The following PCDHGA9 variants were observed in gnomAD, a reference collection of about 807,000 sequenced individuals.
PCDHGA9 encodes the protein protocadherin gamma subfamily A, 9.
A neutral mutation model predicts 62.5 loss-of-function variants in PCDHGA9; 37 were observed. The observed-to-expected ratio is 0.59, with a 90% CI of 0.46 to 0.78. The LOEUF is 0.78. Among genes scored for constraint, PCDHGA9 ranks in the 30% least tolerant of loss-of-function variants. The pLI is 0.00. For missense variants in PCDHGA9, 1,138 were observed against 1,166.2 expected (o/e 0.98, Z 0.35); for synonymous variants, 459 against 484.6 (o/e 0.95, Z 0.69).
intron 1 of PCDHGA9, among the ~76,000 whole-genome samples, chr5:141,492,337 C>T (rs559700346): frequency 1.0e-3 from 158 of 152,324 alleles, no homozygotes; most frequent in African/African-American, 3.7e-3. Flanking sequence ...TACGCGAATA[C>T]CAGCTTTCAC....
rs763433178 is a variant in PCDHGA9, at chr5:141,409,635, A to G, written c.2424+4259A>G. On this transcript the variant is annotated intron_variant, in intron 1 of 3. Transcript: ENST00000573521. ...TCCATTGCGCAAGTGAGCGCCTCTG[A>G]CCCGGATTTGGGGCTCAATGGCCAC... 3 of 1,613,784 alleles carry G rather than the reference A, an allele frequency of 1.9e-6. No individual in the cohort carries two copies. The South Asian group carries it at 3.3e-5, about 18-fold the overall frequency.
rs749347013 is a variant in PCDHGA9, at chr5:141,476,739, C to G, written c.2425-18068C>G. 6.2e-7 allele frequency: 1 copy of G among 1,614,068 alleles called. No individual in the cohort carries two copies. Among genetic ancestry groups the G allele is most frequent in the South Asian group, 1.1e-5 (1 of 91,088 alleles). On this transcript the variant is annotated intron_variant, in intron 1 of 3. Transcript: ENST00000573521. The surrounding 1 kb of genome is among the most constrained non-coding windows in gnomAD (Gnocchi z 7.6). Reference sequence around the variant, plus strand: ...CGCGCCCTGGACCGAGAACGGGAGCCTAGTCTCCAGTTAGTGCTGACGGCG... The same window carrying G: ...CGCGCCCTGGACCGAGAACGGGAGCGTAGTCTCCAGTTAGTGCTGACGGCG...
chr5:141,451,739 G>A (rs1343538104), intron 1 of PCDHGA9, among the ~76,000 whole-genome samples: 1 of 152,082 alleles, frequency 6.6e-6, no homozygotes, highest in East Asian at 1.9e-4. Flanking sequence ...AAAATTAGCT[G>A]GTCTGGTGGT....
chr5:141,487,477 C>A lies in PCDHGA9; in HGVS notation c.2425-7330C>A, dbSNP rs748435479. On this transcript the variant is annotated intron_variant, in intron 1 of 3. Transcript: ENST00000573521. The surrounding 1 kb of genome is among the most constrained non-coding windows in gnomAD (Gnocchi z 5.0). ...TCAAGTTTGTTGATGTGGGAGGCCA[C>A]TCTCATGGCTGTACACCCTTGGCTT... 1 of 1,614,200 alleles carries A rather than the reference C, an allele frequency of 6.2e-7. No individual in the cohort carries two copies. The highest frequency in any genetic ancestry group is 1.7e-5 in the Admixed American group (1 of 60,030).
rs2099391747 is a variant in PCDHGA9 at position 141,476,440 on chromosome 5, G to A, written c.2425-18367G>A. Reference sequence around the variant, plus strand: ...CACTGCCCTCTTGCACTGTAACTCTGGAGTTGGTAGTGGAGAACCCGCTGG... The same window carrying A: ...CACTGCCCTCTTGCACTGTAACTCTAGAGTTGGTAGTGGAGAACCCGCTGG... On this transcript the variant is annotated intron_variant, in intron 1 of 3. Transcript: ENST00000573521. The surrounding 1 kb of genome is among the most constrained non-coding windows in gnomAD (Gnocchi z 7.6). 1.2e-6 allele frequency: 2 copies of A among 1,613,998 alleles called. No individual in the cohort carries two copies. Among genetic ancestry groups the A allele is most frequent in the African/African-American group, 2.7e-5 (2 of 74,902 alleles).
Position 141,486,098 on chromosome 5 carries a change from G to A in PCDHGA9, c.2425-8709G>A, listed in dbSNP as rs1211678224. ...AAAGCTTACTCTTTTGGGGCCCCTA[G>A]ACTTTGAGAGTGAGAATTACTATGA... On this transcript the variant is annotated intron_variant, in intron 1 of 3. Transcript: ENST00000573521. This position sits in a 1 kb window ranked among gnomAD's most constrained non-coding sequence, Gnocchi z 5.0. 5.0e-6 allele frequency: 8 copies of A among 1,614,032 alleles called. No homozygotes were observed. Among genetic ancestry groups the A allele is most frequent in the Admixed American group, 3.3e-5 (2 of 59,994 alleles).
At chr5:141,407,898 A>G in intron 1 of PCDHGA9, 1 of 407,470 alleles carries the variant, frequency 2.5e-6, no homozygotes, top group Non-Finnish European at 4.3e-6. Context: ...CGAATTCAAA[A>G]TGAAAAACCG....
At chr5:141,423,758 G>GGGC (rs1554116874) in intron 1 of PCDHGA9, 82 of 366,752 alleles carry the variant, frequency 2.2e-4, no homozygotes, top group Middle Eastern at 4.2e-4. Context: ...TTTGGGGGGG[G>GGGC]GGTGGGGCGG....
chr5:141,408,488 T>C lies in PCDHGA9; in HGVS notation c.2424+3112T>C, dbSNP rs199936765. ...GAACCGAATAGACCGTGAGCAAATA[T>C]GCAAAGAGAGAAGAAGATGTGAGTT... On this transcript the variant is annotated intron_variant, in intron 1 of 3. Transcript: ENST00000573521. The C allele has an allele frequency of 8.1e-6, 13 of 1,613,894 alleles. No individual in the cohort carries two copies. The highest frequency in any genetic ancestry group is 4.0e-5 in the African/African-American group (3 of 74,922).
intron 1 of PCDHGA9, chr5:141,478,289 G>A (rs1210628852): frequency 1.2e-6 from 2 of 1,614,146 alleles, no homozygotes; most frequent in African/African-American, 2.7e-5. Context: ...GCAGTCTAGA[G>A]ACCTATACCG....
chr5:141,485,095 TC>T lies in PCDHGA9; in HGVS notation c.2425-9710del, dbSNP rs1040164730. ...GCGCGGGGAAAGGGAGATAGGTGTCTCCAGCTGCTGTGGCTGTTTGGGGCGG... is the reference window on the plus strand; with the variant it reads ...GCGCGGGGAAAGGGAGATAGGTGTCTCAGCTGCTGTGGCTGTTTGGGGCGG... On this transcript the variant is annotated intron_variant, in intron 1 of 3. Coordinates refer to ENST00000573521, the MANE Select transcript of PCDHGA9 (RefSeq NM_018921.3). This position sits in a 1 kb window ranked among gnomAD's most constrained non-coding sequence, Gnocchi z 5.7. 6.8e-5 allele frequency: 76 copies of T among 1,115,798 alleles called. No homozygotes were observed. Among genetic ancestry groups the T allele is most frequent in the South Asian group, 4.6e-4 (33 of 71,042 alleles). The allele number at this position is 1,115,798 out of a possible 1,614,324, so 69.1% of individuals were successfully genotyped here. A position where few individuals can be genotyped will look rare whatever the true frequency, so the allele number is the denominator to read the frequency against.
chr5:141,489,994 C>A lies in PCDHGA9; in HGVS notation c.2425-4813C>A, dbSNP rs1307285048. The A allele has an allele frequency of 1.2e-5, 19 of 1,614,192 alleles. No individual in the cohort carries two copies. The highest frequency in any genetic ancestry group is 1.6e-4 in the Middle Eastern group (1 of 6,062). On this transcript the variant is annotated intron_variant, in intron 1 of 3. Transcript: ENST00000573521. This position sits in a 1 kb window ranked among gnomAD's most constrained non-coding sequence, Gnocchi z 4.5. Reference sequence around the variant, plus strand: ...ATCCTCAGTTCTACGTGTGGGAATCCCAGAGAATGCACCCATTGGTACTCT... The same window carrying A: ...ATCCTCAGTTCTACGTGTGGGAATCACAGAGAATGCACCCATTGGTACTCT...
intron 1 of PCDHGA9, chr5:141,410,860 T>TTTTTTTTTTTTTTTTTTG: frequency 2.3e-6 from 1 of 442,030 alleles, no homozygotes; most frequent in Non-Finnish European, 3.7e-6. Flanking sequence ...TTTTTTTTTT[T>TTTTTTTTTTTTTTTTTTG]TTTTTTTTTT....
rs776677714 is a variant in PCDHGA9 at position 141,419,329 on chromosome 5, T to C, written c.2424+13953T>C. The C allele has an allele frequency of 7.4e-6, 12 of 1,613,842 alleles. 2 individuals carry two copies. The South Asian group carries it at 1.3e-4, about 18-fold the overall frequency. On this transcript the variant is annotated intron_variant, in intron 1 of 3. Coordinates refer to ENST00000573521, the MANE Select transcript of PCDHGA9 (RefSeq NM_018921.3). The stretch of plus-strand genomic sequence containing the variant: ...GGCTCAACGGCCGTGTCTCCTACTC[T>C]CTCATTGCCAGCGACCTGGAGTCAC...
chr5:141,421,077 A>G (rs975269359), intron 1 of PCDHGA9: 1 of 619,100 alleles, frequency 1.6e-6, no homozygotes, highest in Non-Finnish European at 2.7e-6. Context: ...TGAGATGGAT[A>G]CTCACAGATC....
At chr5:141,502,356 G>C (rs1443285213) in intron 2 of PCDHGA9, among the ~76,000 whole-genome samples, 4 of 151,838 alleles carry the variant, frequency 2.6e-5, no homozygotes. Flanking sequence ...TAATGACATG[G>C]ATATTTTTAA....
In PCDHGA9 at chr5:141,490,601, T is replaced by C. The variant is rs777393370; in HGVS notation, c.2425-4206T>C. 1 of 1,614,176 alleles carries C rather than the reference T, an allele frequency of 6.2e-7. No homozygotes were observed. The highest frequency in any genetic ancestry group is 8.5e-7 in the Non-Finnish European group (1 of 1,180,030). ...GATGTCAATGACAATGCACCCCGCTTCAACCAGCAGCTTTACACTGCTTAC... is the reference window on the plus strand; with the variant it reads ...GATGTCAATGACAATGCACCCCGCTCCAACCAGCAGCTTTACACTGCTTAC... On this transcript the variant is annotated intron_variant, in intron 1 of 3. Transcript: ENST00000573521. This position sits in a 1 kb window ranked among gnomAD's most constrained non-coding sequence, Gnocchi z 5.4.
intron 1 of PCDHGA9, chr5:141,430,575 A>T (rs1056696427): frequency 2.2e-6 from 1 of 455,822 alleles, no homozygotes; most frequent in Non-Finnish European, 3.7e-6. Flanking sequence ...AAAAGCGGAG[A>T]TCCTGCTCGC....
intron 2 of PCDHGA9, among the ~76,000 whole-genome samples, chr5:141,496,744 T>C (rs1383447795): frequency 6.6e-6 from 1 of 152,170 alleles, no homozygotes; most frequent in Non-Finnish European, 1.5e-5. Context: ...GTTCATTTAT[T>C]CAACAAATAT....
Sources: allele counts gnomAD v4.1 joint callset (sites outside exome capture counted in the v4.1 genomes callset), GRCh38; gene constraint gnomAD v4.1.1; non-coding constraint Gnocchi (gnomAD v3.1); transcripts MANE v1.5; gene names NCBI Gene and HGNC (gene_info 2026-07-23, HGNC 2026-07-21).